The following SNX13 variants were observed in gnomAD, a reference collection of about 807,000 sequenced individuals.
The protein encoded by SNX13 is sorting nexin 13, also known as sorting nexin-13.
Under a neutral mutation model 133.6 loss-of-function variants are expected in SNX13, and 45 were observed. That is an observed-to-expected ratio of 0.34 (90% CI 0.27 to 0.43). SNX13 has a LOEUF of 0.43. Ranked by LOEUF, SNX13 falls within the 20% of genes least tolerant of loss-of-function variation. SNX13 has a pLI of 1.00. For synonymous variants in SNX13, 414 were observed against 373.9 expected, an observed-to-expected ratio of 1.11 and a Z score of -1.24; for missense variants, 1,032 against 1,145.1, an observed-to-expected ratio of 0.90 and a Z score of 1.43.
rs1783664749 is a variant in SNX13 at position 17,792,683 on chromosome 7, A to C, written c.*1362T>G. 1 of 152,252 alleles carries C rather than the reference A, an allele frequency of 6.6e-6. No homozygotes were observed. The highest frequency in any genetic ancestry group is 2.1e-4 in the South Asian group (1 of 4,830). 9.4% of individuals were successfully genotyped at this position (152,252 alleles called of 1,614,324 possible). ...TTCATTATTTTAAGGTTTTAGTGTT[A>C]AATATTTTTAAAACAAAAAAAGCTG... On this transcript the variant is annotated 3_prime_UTR_variant, in exon 26 of 26. Transcript: ENST00000428135.
At chr7:17,925,414 T>A (rs1800636574) in intron 1 of SNX13, among the ~76,000 whole-genome samples, 1 of 152,156 alleles carries the variant, frequency 6.6e-6, no homozygotes, top group African/African-American at 2.4e-5. Flanking sequence ...TTGCATGGTA[T>A]ATGAATTATA....
chr7:17,829,025 T>C (rs541839500), intron 16 of SNX13, among the ~76,000 whole-genome samples: 1 of 151,636 alleles, frequency 6.6e-6, no homozygotes, highest in African/African-American at 2.4e-5. Context: ...ATTTAGGAAA[T>C]ATTTTAAAAG....
At chr7:17,891,674 G>A in intron 3 of SNX13, 39 bp from the exon 4 acceptor site, 3 of 1,439,422 alleles carry the variant, frequency 2.1e-6, no homozygotes, top group Non-Finnish European at 2.9e-6. Context: ...GTAGTTTTCT[G>A]ATGTAAAATC....
chr7:17,873,768 A>C (rs1304329841), intron 7 of SNX13, among the ~76,000 whole-genome samples, 152 bp from the exon 8 acceptor site: 1 of 152,226 alleles, frequency 6.6e-6, no homozygotes, highest in African/African-American at 2.4e-5. Context: ...GTATTCATTA[A>C]AAATTCCTTC....
intron 1 of SNX13, among the ~76,000 whole-genome samples, chr7:17,932,166 TTAAG>T (rs1269719382): frequency 1.3e-5 from 2 of 152,224 alleles, no homozygotes; most frequent in Middle Eastern, 6.3e-3. Context: ...GAATTAAACT[TTAAG>T]TAATATTAAT....
At chr7:17,845,229 C>T (rs1202969792) in intron 12 of SNX13, among the ~76,000 whole-genome samples, 4 of 152,072 alleles carry the variant, frequency 2.6e-5, no homozygotes, top group Admixed American at 1.3e-4. Context: ...TGCTATAACA[C>T]GGATAAAACC....
intron 5 of SNX13, among the ~76,000 whole-genome samples, chr7:17,886,131 TA>T (rs1795958265): frequency 6.6e-6 from 1 of 152,066 alleles, no homozygotes; most frequent in South Asian, 2.1e-4. Context: ...AGAAAATTGG[TA>T]AAACTTCAAG....
chr7:17,801,302 A>G (rs1451464929), intron 22 of SNX13, among the ~76,000 whole-genome samples: 1 of 151,742 alleles, frequency 6.6e-6, no homozygotes, highest in Non-Finnish European at 1.5e-5. Flanking sequence ...ACAGTTTCAT[A>G]TATACAAAGT....
chr7:17,798,956 G>A, intron 23 of SNX13, 53 bp downstream of exon 23: 1 of 1,557,138 alleles, frequency 6.4e-7, no homozygotes. Flanking sequence ...CCAGAAGTAA[G>A]AGTTTAATAG....
In SNX13 at chr7:17,830,009, C is replaced by A; in HGVS notation, c.1635+1G>T. ...AATAAAGTACCCATAATAGTACTTA[C>A]CAAATTTATGCTTCCTGTAGGAGAC... On this transcript the variant is annotated splice_donor_variant, in intron 16 of 25. Coordinates refer to ENST00000428135, the MANE Select transcript of SNX13 (RefSeq NM_015132.5). LOFTEE classifies it high-confidence loss of function. The A allele has an allele frequency of 1.3e-6, 2 of 1,532,648 alleles. No individual in the cohort carries two copies. Among genetic ancestry groups the A allele is most frequent in the Non-Finnish European group, 1.8e-6 (2 of 1,134,166 alleles). 94.9% of individuals were successfully genotyped at this position (1,532,648 alleles called of 1,614,324 possible). A position where few individuals can be genotyped will look rare whatever the true frequency, so the allele number is the denominator to read the frequency against.
Position 17,791,283 on chromosome 7 carries a change from TAC to T in SNX13, c.*2760_*2761del, listed in dbSNP as rs1449596027. On this transcript the variant is annotated 3_prime_UTR_variant, in exon 26 of 26. Coordinates refer to ENST00000428135, the MANE Select transcript of SNX13 (RefSeq NM_015132.5). ...CATTCTTAATTTTTATAAAAATTGG[TAC>T]ACTTTCTGGTAGCACTTAACTGATT... 6.6e-6 allele frequency: 1 copy of T among 151,918 alleles called. No individual in the cohort carries two copies. Among genetic ancestry groups the T allele is most frequent in the Non-Finnish European group, 1.5e-5 (1 of 67,854 alleles). The allele number at this position is 151,918 out of a possible 1,614,324, so 9.4% of individuals were successfully genotyped here.
intron 8 of SNX13, among the ~76,000 whole-genome samples, chr7:17,871,030 G>C (rs918125370): frequency 1.2e-4 from 18 of 151,494 alleles, no homozygotes; most frequent in Admixed American, 1.1e-3. Flanking sequence ...TTTTGAGAGG[G>C]AGTCTGGCTC....
intron 1 of SNX13, among the ~76,000 whole-genome samples, chr7:17,938,530 CA>C (rs1416105130): frequency 4.6e-5 from 7 of 152,196 alleles, no homozygotes; most frequent in African/African-American, 1.7e-4. Flanking sequence ...TGGCAACTGC[CA>C]AGGTTGGAAT....
chr7:17,893,891 G>C (rs1325435136), intron 2 of SNX13, among the ~76,000 whole-genome samples: 2 of 151,048 alleles, frequency 1.3e-5, no homozygotes, highest in Non-Finnish European at 2.9e-5. Context: ...AGAATCGCTG[G>C]AACCTGGGAG....
At chr7:17,859,853 A>G (rs1583512891) in intron 9 of SNX13, among the ~76,000 whole-genome samples, 1 of 152,160 alleles carries the variant, frequency 6.6e-6, no homozygotes, top group South Asian at 2.1e-4. Context: ...TTAAGGCTGA[A>G]TAATATTTTA....
At chr7:17,864,074 A>T (rs1793076633) in intron 9 of SNX13, among the ~76,000 whole-genome samples, 1 of 152,208 alleles carries the variant, frequency 6.6e-6, no homozygotes, top group Non-Finnish European at 1.5e-5. Context: ...GGTACAAATA[A>T]GCCCAGATTG....
At chr7:17,903,517 T>A (rs1234166232) in intron 1 of SNX13, among the ~76,000 whole-genome samples, 1 of 152,210 alleles carries the variant, frequency 6.6e-6, no homozygotes, top group African/African-American at 2.4e-5. Context: ...ATTAGTTGTG[T>A]AACCACTACA....
At chr7:17,812,322 C>T (rs1786143709) in intron 20 of SNX13, among the ~76,000 whole-genome samples, 1 of 152,126 alleles carries the variant, frequency 6.6e-6, no homozygotes, top group African/African-American at 2.4e-5. Context: ...ACAACCCCAT[C>T]AGAAAGTGGG....
At chr7:17,936,536 T>A (rs1312174730) in intron 1 of SNX13, among the ~76,000 whole-genome samples, 3 of 152,206 alleles carry the variant, frequency 2.0e-5, no homozygotes, top group Non-Finnish European at 4.4e-5. Context: ...CGTTGATAAC[T>A]GGTTTCCATG....
Sources: allele counts gnomAD v4.1 joint callset (sites outside exome capture counted in the v4.1 genomes callset), GRCh38; gene constraint gnomAD v4.1.1; transcripts MANE v1.5; gene names NCBI Gene and HGNC (gene_info 2026-07-23, HGNC 2026-07-21).